Variants in DIS3L2 observed in about 807,000 individuals in gnomAD.
DIS3L2 encodes the protein DIS3 like 3'-5' exoribonuclease 2, also known as DIS3-like exonuclease 2.
A neutral mutation model predicts 97.5 loss-of-function variants in DIS3L2; 34 were observed. The observed-to-expected ratio is 0.35, with a 90% CI of 0.27 to 0.46. The LOEUF (loss-of-function observed/expected upper bound fraction) is 0.46, where lower values mean the gene tolerates loss of function less well. DIS3L2 is among the 20% of genes least tolerant of loss of function. DIS3L2 has a pLI of 1.00. For missense variants in DIS3L2, 1,038 were observed against 1,146.0 expected (o/e 0.91, Z 1.36); for synonymous variants, 435 against 445.2 (o/e 0.98, Z 0.29).
chr2:231,969,093 C>T (rs139195977), intron 1 of DIS3L2, among the ~76,000 whole-genome samples: 6 of 152,240 alleles, frequency 3.9e-5, no homozygotes, highest in Non-Finnish European at 5.9e-5. Context: ...CTTTCCCAGC[C>T]GTGTGGAACT....
At chr2:232,051,461 A>C (rs1414915753) in intron 5 of DIS3L2, among the ~76,000 whole-genome samples, 1 of 152,204 alleles carries the variant, frequency 6.6e-6, no homozygotes, top group Admixed American at 6.5e-5. Flanking sequence ...GAAGACCAAA[A>C]ACACAGGATG....
chr2:232,145,031 G>A (rs1307482959), intron 8 of DIS3L2, among the ~76,000 whole-genome samples: 1 of 152,086 alleles, frequency 6.6e-6, no homozygotes, highest in Non-Finnish European at 1.5e-5. Context: ...TTTTTCCCTT[G>A]TAATTATTAT....
chr2:232,233,179 G>A (rs1692842840), intron 10 of DIS3L2, among the ~76,000 whole-genome samples: 1 of 152,176 alleles, frequency 6.6e-6, no homozygotes, highest in South Asian at 2.1e-4. Flanking sequence ...GTCCATTCAG[G>A]CTGCTATAAC....
In DIS3L2 at chr2:232,284,665, C is replaced by T. The variant is rs530299485; in HGVS notation, c.1660-15375C>T. ...GACATGCCCCATGTGGTCTTTGCCCCGGGAGAGCTAAAGGTCTGTTTTTTT... is the reference window on the plus strand; with the variant it reads ...GACATGCCCCATGTGGTCTTTGCCCTGGGAGAGCTAAAGGTCTGTTTTTTT... On this transcript the variant is annotated intron_variant, in intron 13 of 20. Transcript: ENST00000325385. 4.6e-5 allele frequency among the ~76,000 whole-genome samples: 7 copies of T among 152,276 alleles called. No individual in the cohort carries two copies. In the East Asian group the frequency reaches 9.6e-4, roughly 21 times the overall value.
At chr2:232,142,254 G>A (rs1690082069) in intron 8 of DIS3L2, among the ~76,000 whole-genome samples, 1 of 152,130 alleles carries the variant, frequency 6.6e-6, no homozygotes, top group Middle Eastern at 3.2e-3. Flanking sequence ...GCTCCACCTG[G>A]TGGCCTGTAA....
At chr2:232,338,135 C>A (rs1696024472), downstream of DIS3L2, among the ~76,000 whole-genome samples, 2 of 146,206 alleles carry the variant, frequency 1.4e-5, no homozygotes, top group African/African-American at 5.6e-5. Flanking sequence ...GAGCCCCAAA[C>A]AGGAGAGCCC....
At chr2:232,263,526 CTCTT>C (rs1693775627) in intron 13 of DIS3L2, 86 bp downstream of exon 13, 8 of 1,294,944 alleles carry the variant, frequency 6.2e-6, no homozygotes, top group African/African-American at 1.5e-5. Flanking sequence ...CAGGCTTAGA[CTCTT>C]CCTTCCTTCT....
intron 10 of DIS3L2, among the ~76,000 whole-genome samples, chr2:232,220,845 G>T (rs1345294320): frequency 6.6e-6 from 1 of 152,118 alleles, no homozygotes; most frequent in Non-Finnish European, 1.5e-5. Context: ...GCTCATTCCT[G>T]TAATCCCAGC....
intron 1 of DIS3L2, among the ~76,000 whole-genome samples, chr2:232,005,323 G>A (rs781547879): frequency 2.0e-5 from 3 of 151,950 alleles, no homozygotes; most frequent in African/African-American, 2.4e-5. Flanking sequence ...ATAATGTTGC[G>A]TTGAGTCTGT....
chr2:232,246,113 G>A (rs1047147638), intron 11 of DIS3L2, among the ~76,000 whole-genome samples: 2 of 152,194 alleles, frequency 1.3e-5, no homozygotes, highest in African/African-American at 4.8e-5. Context: ...GAAGCAATTA[G>A]GACAGTGTTG....
intron 5 of DIS3L2, among the ~76,000 whole-genome samples, chr2:232,059,868 T>G (rs1695653928): frequency 6.6e-6 from 1 of 152,182 alleles, no homozygotes; most frequent in East Asian, 1.9e-4. Context: ...CCACATTTTC[T>G]TTATCCAGTC....
chr2:231,993,763 A>ATT (rs555244063), intron 1 of DIS3L2, among the ~76,000 whole-genome samples: 2 of 135,554 alleles, frequency 1.5e-5, no homozygotes. Context: ...TTCCAACTGC[A>ATT]TTTTTTTTTT....
At chr2:232,046,598 C>T (rs182004730) in intron 5 of DIS3L2, among the ~76,000 whole-genome samples, 21 of 152,178 alleles carry the variant, frequency 1.4e-4, no homozygotes, top group African/African-American at 4.1e-4. Context: ...GTAATTATAA[C>T]GAATTCTTTG....
rs944301888 is a variant in DIS3L2 at position 232,324,779 on chromosome 2, C to T, written c.1740-5034C>T. Among the ~76,000 whole-genome samples, 7 of 152,138 alleles carry T rather than the reference C, an allele frequency of 4.6e-5. No individual in the cohort carries two copies. The South Asian group carries it at 8.3e-4, about 18-fold the overall frequency. ...GTGTAATAATAATGTCTTATTTATT[C>T]GAGGCCAGGAACTTGAACATTGCTT... On this transcript the variant is annotated intron_variant, in intron 14 of 20. Transcript: ENST00000325385.
chr2:231,992,858 G>C (rs979891807), intron 1 of DIS3L2, among the ~76,000 whole-genome samples: 3 of 152,104 alleles, frequency 2.0e-5, no homozygotes, highest in African/African-American at 7.2e-5. Context: ...CTCCCTCTTA[G>C]GAGGCCATTT....
chr2:232,035,711 C>T (rs550803019), intron 5 of DIS3L2, among the ~76,000 whole-genome samples: 7 of 152,300 alleles, frequency 4.6e-5, no homozygotes, highest in African/African-American at 1.4e-4. Context: ...GACAGAATCC[C>T]TCAGGATTTG....
At chr2:232,095,851 G>GT (rs537066441) in intron 6 of DIS3L2, among the ~76,000 whole-genome samples, 45 of 149,614 alleles carry the variant, frequency 3.0e-4, no homozygotes, top group Non-Finnish European at 3.6e-4. Context: ...CATGGTAAAA[G>GT]TTTTTTTTTT....
chr2:232,336,330 C>G (rs757543110), intron 20 of DIS3L2, 139 bp from the exon 21 acceptor site: 2 of 1,547,100 alleles, frequency 1.3e-6, no homozygotes, highest in Non-Finnish European at 1.7e-6. Flanking sequence ...CTGGAGGGGG[C>G]CCCCATTACA....
At chr2:232,065,864 A>T (rs904332368) in intron 5 of DIS3L2, among the ~76,000 whole-genome samples, 1 of 151,734 alleles carries the variant, frequency 6.6e-6, no homozygotes, top group African/African-American at 2.4e-5. Context: ...TTCAGTGTAT[A>T]AGTTTTGCAT....
Sources: gnomAD v4.1 joint callset for allele counts (sites outside exome capture counted in the v4.1 genomes callset) on GRCh38, gnomAD v4.1.1 for gene constraint, MANE v1.5 for transcripts, NCBI Gene and HGNC (gene_info 2026-07-23, HGNC 2026-07-21) for gene names.